HECW1: variants seen among roughly 807,000 people sequenced by gnomAD.
The protein encoded by HECW1 is HECT, C2 and WW domain containing E3 ubiquitin protein ligase 1, also known as E3 ubiquitin-protein ligase HECW1.
In HECW1, 61 loss-of-function variants were observed where a neutral mutation model predicts 182.3. The ratio of observed to expected loss-of-function variants is 0.33; its 90% confidence interval spans 0.27 to 0.41. HECW1 has a LOEUF of 0.41. HECW1 is among the 10% of genes least tolerant of loss of function. HECW1 has a pLI of 1.00. For missense variants in HECW1, 1,739 were observed against 2,108.9 expected (o/e 0.82, Z 3.44); for synonymous variants, 859 against 832.6 (o/e 1.03, Z -0.55).
chr7:43,347,054 T>C (rs1813778283), intron 5 of HECW1, among the ~76,000 whole-genome samples: 1 of 152,198 alleles, frequency 6.6e-6, no homozygotes, highest in African/African-American at 2.4e-5. Flanking sequence ...CTGAAGGGGA[T>C]TGCATTGAAT....
chr7:43,274,564 GC>G, intron 3 of HECW1: 1 of 517,344 alleles, frequency 1.9e-6, no homozygotes, highest in Non-Finnish European at 3.7e-6. Context: ...CCACCAAGAG[GC>G]CCAACATCTT....
chr7:43,459,236 T>C (rs1290337665), intron 13 of HECW1, among the ~76,000 whole-genome samples: 3 of 152,204 alleles, frequency 2.0e-5, no homozygotes, highest in Admixed American at 6.5e-5. Context: ...TGTTCTTACC[T>C]TTTTGCCTTA....
Position 43,444,923 on chromosome 7 carries a change from G to A in HECW1, c.1751G>A (p.Gly584Asp), listed in dbSNP as rs1415697025. ...QGGSAAEEEDGAEEESTLKDS... is the reference protein window; with the variant it reads ...QGGSAAEEEDDAEEESTLKDS... ...GGCAGCGCGGCAGAGGAGGAGGACGGCGCGGAGGAGGAGTCCACCCTCAAG... is the reference window on the plus strand; with the variant it reads ...GGCAGCGCGGCAGAGGAGGAGGACGACGCGGAGGAGGAGTCCACCCTCAAG... Residue 584 changes from glycine to aspartate, a missense_variant, in exon 11 of 30, where the codon GGC becomes GAC. Gly to Asp is a moderately conservative substitution (Grantham distance 94). Coordinates refer to ENST00000395891, the MANE Select transcript of HECW1 (RefSeq NM_015052.5). This position sits in a 1 kb window ranked among gnomAD's most constrained non-coding sequence, Gnocchi z 4.3. 1 of 1,593,868 alleles carries A rather than the reference G, an allele frequency of 6.3e-7. No individual in the cohort carries two copies. Among genetic ancestry groups the A allele is most frequent in the South Asian group, 1.1e-5 (1 of 87,928 alleles).
intron 5 of HECW1, 63 bp from the exon 6 acceptor site, chr7:43,360,823 C>A (rs1562884457): frequency 7.6e-6 from 9 of 1,186,858 alleles, no homozygotes; most frequent in Non-Finnish European, 1.1e-5. Context: ...TCCTCTGTGG[C>A]CATAGCTGTC....
intron 21 of HECW1, among the ~76,000 whole-genome samples, chr7:43,504,366 A>G (rs533123605): frequency 4.6e-5 from 7 of 152,102 alleles, no homozygotes; most frequent in African/African-American, 1.7e-4. Flanking sequence ...TACCCTTCCT[A>G]CTACCACCCT....
rs1438880550 is a variant in HECW1, at chr7:43,508,099, C to A, written c.3834C>A (p.Asn1278Lys). The change falls in exon 23 of 30, where the codon AAC becomes AAA. Residue 1278 changes from asparagine to lysine, a missense_variant. By Grantham distance (94) the Asn-to-Lys change is moderately conservative (BLOSUM62 0). This residue lies in a region of HECW1 where 420 missense variants were observed against 595.7 expected (regional missense o/e 0.71). Coordinates refer to ENST00000395891, the MANE Select transcript of HECW1 (RefSeq NM_015052.5). ...MAYSRKELQRNKLYVTFVGEE... is the reference protein window; with the variant it reads ...MAYSRKELQRKKLYVTFVGEE... ...ATTCGCGGAAAGAGCTCCAGCGAAA[C>A]AAGCTCTACGTCACCTTTGTTGGAG... The A allele has an allele frequency of 3.1e-6, 5 of 1,613,760 alleles. No homozygotes were observed. In the Admixed American group the frequency reaches 8.3e-5, roughly 27 times the overall value.
chr7:43,564,882 A>AT lies in HECW1; in HGVS notation c.*2965dup, dbSNP rs139059023. 32 of 183,578 alleles carry AT rather than the reference A, an allele frequency of 1.7e-4. No individual in the cohort carries two copies. Among genetic ancestry groups the AT allele is most frequent in the East Asian group, 5.3e-4 (6 of 11,240 alleles). The allele number at this position is 183,578 out of a possible 1,614,324, so 11.4% of individuals were successfully genotyped here. On this transcript the variant is annotated 3_prime_UTR_variant, in exon 30 of 30. Transcript: ENST00000395891. The stretch of plus-strand genomic sequence containing the variant: ...ACAGATCTATTTGTTACCACCTGTA[A>AT]TTTTTTTTTAAGCATGAGTTTTCTC...
At chr7:43,406,620 A>G (rs1052897486) in intron 7 of HECW1, among the ~76,000 whole-genome samples, 1 of 152,162 alleles carries the variant, frequency 6.6e-6, no homozygotes, top group Non-Finnish European at 1.5e-5. Context: ...GAAAAGCTTT[A>G]AAAATTATAT....
chr7:43,144,494 C>T (rs1342791242), intron 2 of HECW1, among the ~76,000 whole-genome samples: 1 of 152,174 alleles, frequency 6.6e-6, no homozygotes, highest in Non-Finnish European at 1.5e-5. Context: ...GGAGATTGGA[C>T]TCTTCTCCCC....
chr7:43,124,562 A>G (rs1786001696), intron 2 of HECW1, among the ~76,000 whole-genome samples: 1 of 152,208 alleles, frequency 6.6e-6, no homozygotes, highest in South Asian at 2.1e-4. Flanking sequence ...GTTAAACCTG[A>G]AAGAGGAACC....
At chr7:43,536,834 C>T (rs933820803) in intron 24 of HECW1, among the ~76,000 whole-genome samples, 1 of 152,170 alleles carries the variant, frequency 6.6e-6, no homozygotes, top group Admixed American at 6.5e-5. Flanking sequence ...AACTCCTCCG[C>T]GAGGCCCCTC....
chr7:43,390,490 A>C (rs55810240), intron 6 of HECW1, among the ~76,000 whole-genome samples: 20 of 147,928 alleles, frequency 1.4e-4, no homozygotes. Context: ...GCAGTGAGCT[A>C]TGATGGTGCT....
chr7:43,557,798 C>A (rs930992208), intron 29 of HECW1, among the ~76,000 whole-genome samples: 1 of 152,186 alleles, frequency 6.6e-6, no homozygotes, highest in East Asian at 1.9e-4. Context: ...CTCATTTGCA[C>A]ATATGTGTGT....
intron 8 of HECW1, among the ~76,000 whole-genome samples, chr7:43,429,690 G>A (rs2076482379): frequency 6.6e-6 from 1 of 152,150 alleles, no homozygotes; most frequent in African/African-American, 2.4e-5. Context: ...TAGTTCACAT[G>A]CTCCATTTGC....
intron 7 of HECW1, among the ~76,000 whole-genome samples, chr7:43,399,451 A>G (rs753051503): frequency 3.3e-5 from 5 of 152,262 alleles, no homozygotes; most frequent in Non-Finnish European, 7.3e-5. Flanking sequence ...CTTCAAAAAC[A>G]GTAGAAACCA....
intron 2 of HECW1, among the ~76,000 whole-genome samples, chr7:43,167,356 T>C (rs1791238544): frequency 6.6e-6 from 1 of 152,194 alleles, no homozygotes; most frequent in African/African-American, 2.4e-5. Context: ...GAGTCCACCC[T>C]AAATCTAGGG....
At chr7:43,499,783 T>A (rs1208510642) in intron 19 of HECW1, among the ~76,000 whole-genome samples, 1 of 152,198 alleles carries the variant, frequency 6.6e-6, no homozygotes, top group Non-Finnish European at 1.5e-5. Context: ...TTGAGTAACA[T>A]CAGGGAAGCA....
At chr7:43,412,273 T>C (rs1238675576) in intron 8 of HECW1, among the ~76,000 whole-genome samples, 1 of 152,106 alleles carries the variant, frequency 6.6e-6, no homozygotes, top group Non-Finnish European at 1.5e-5. Flanking sequence ...TTATAGTTAT[T>C]ATATATATCA....
intron 2 of HECW1, chr7:43,239,304 C>T (rs1317931378): frequency 6.6e-6 from 1 of 152,212 alleles, no homozygotes; most frequent in Admixed American, 6.5e-5. Context: ...TTTTAAAAAT[C>T]CCCTTCAAAA....
Sources: gnomAD v4.1 joint callset for allele counts (sites outside exome capture counted in the v4.1 genomes callset) on GRCh38, gnomAD v4.1.1 for gene constraint, gnomAD v4.1.1 regional missense constraint, Gnocchi (gnomAD v3.1) non-coding constraint, MANE v1.5 for transcripts, NCBI Gene and HGNC (gene_info 2026-07-23, HGNC 2026-07-21) for gene names.